Variants in AFF4 observed in about 807,000 individuals in gnomAD.
AFF4 encodes AF4/FMR2 family member 4.
In AFF4, 13 loss-of-function variants were observed where a neutral mutation model predicts 124.8. The ratio of observed to expected loss-of-function variants is 0.10; its 90% CI spans 0.07 to 0.17. The LOEUF is 0.17. Among genes scored for constraint, AFF4 ranks in the 10% least tolerant of loss-of-function variants. The pLI is 1.00. For missense variants in AFF4, 1,092 were observed against 1,403.8 expected, an observed-to-expected ratio of 0.78 and a Z score of 3.55; for synonymous variants, 477 against 496.1, an observed-to-expected ratio of 0.96 and a Z score of 0.51.
chr5:132,888,859 A>T (rs937500717), intron 14 of AFF4, among the ~76,000 whole-genome samples: 2 of 152,040 alleles, frequency 1.3e-5, no homozygotes, highest in African/African-American at 4.8e-5. Context: ...CACCACGCCC[A>T]GCTAATTTTT....
At chr5:132,926,229 C>A (rs756348950) in intron 5 of AFF4, 2 of 484,500 alleles carry the variant, frequency 4.1e-6, no homozygotes, top group Admixed American at 2.1e-5. Context: ...AGGAAAGGAG[C>A]TCTGTTGGGA....
chr5:132,947,029 G>A (rs757769722), intron 1 of AFF4, among the ~76,000 whole-genome samples: 7 of 152,042 alleles, frequency 4.6e-5, no homozygotes, highest in South Asian at 2.1e-4. Context: ...TGCACTTTGT[G>A]GCAACTGAGT....
intron 2 of AFF4, among the ~76,000 whole-genome samples, chr5:132,936,545 A>C (rs1181034274): frequency 6.6e-6 from 1 of 152,200 alleles, no homozygotes. Flanking sequence ...GAAGAAACAA[A>C]AGCATCTATG....
At chr5:132,890,164 T>C (rs1452195797) in intron 13 of AFF4, among the ~76,000 whole-genome samples, 1 of 151,190 alleles carries the variant, frequency 6.6e-6, no homozygotes, top group African/African-American at 2.4e-5. Context: ...AAATTTTTTA[T>C]ATTTATATAA....
chr5:132,901,340 T>C (rs532416134), intron 7 of AFF4, among the ~76,000 whole-genome samples: 5 of 152,312 alleles, frequency 3.3e-5, no homozygotes, highest in Admixed American at 2.6e-4. Flanking sequence ...GTATGATGAA[T>C]AGGAGTATAA....
Position 132,938,961 on chromosome 5 carries a change from A to AG in AFF4, c.-4-1769_-4-1768insC, listed in dbSNP as rs1463008267. 3.4e-5 allele frequency among the ~76,000 whole-genome samples: 5 copies of AG among 148,626 alleles called. No homozygotes were observed. The East Asian group carries it at 8.0e-4, about 24-fold the overall frequency. On this transcript the variant is annotated intron_variant, in intron 1 of 20. Coordinates refer to ENST00000265343, the MANE Select transcript of AFF4 (RefSeq NM_014423.4). ...CATCTCAAAAAAAAAAAAAAAAAAAAAAGGCAATTTAATGTTTAGAAAAAA... is the reference window on the plus strand; with the variant it reads ...CATCTCAAAAAAAAAAAAAAAAAAAAGAAGGCAATTTAATGTTTAGAAAAAA...
At chr5:132,922,778 C>CAAAAA (rs554387527) in intron 5 of AFF4, among the ~76,000 whole-genome samples, 1 of 56,762 alleles carries the variant, frequency 1.8e-5, no homozygotes, top group Non-Finnish European at 3.7e-5. Flanking sequence ...GACTCCATCT[C>CAAAAA]AAAAAAAAAA....
At chr5:132,885,248 ACGTG>A in intron 18 of AFF4, 129 bp from the exon 19 acceptor site, 1 of 431,132 alleles carries the variant, frequency 2.3e-6, no homozygotes, top group African/African-American at 6.5e-5. Context: ...ACACCAAAAT[ACGTG>A]TGTGTGTGTG....
intron 8 of AFF4, 127 bp from the exon 9 acceptor site, chr5:132,899,268 C>T (rs1477310857): frequency 2.3e-6 from 2 of 858,734 alleles, no homozygotes; most frequent in Non-Finnish European, 1.8e-6. Context: ...ATATTTAGCA[C>T]TTATACTGTT....
intron 11 of AFF4, among the ~76,000 whole-genome samples, chr5:132,893,515 TTTAG>T (rs1398730768): frequency 1.3e-5 from 2 of 152,120 alleles, no homozygotes; most frequent in African/African-American, 4.8e-5. Flanking sequence ...ATTTTATTTA[TTTAG>T]TTATTTATTT....
At chr5:132,961,129 G>T (rs908734897) in intron 1 of AFF4, among the ~76,000 whole-genome samples, 1 of 152,124 alleles carries the variant, frequency 6.6e-6, no homozygotes, top group African/African-American at 2.4e-5. Flanking sequence ...GGAGGCTGAG[G>T]CAGGAGAATC....
At chr5:132,886,644 C>A (rs1226230305) in intron 17 of AFF4, among the ~76,000 whole-genome samples, 1 of 152,226 alleles carries the variant, frequency 6.6e-6, no homozygotes, top group African/African-American at 2.4e-5. Flanking sequence ...AAATCCAAAC[C>A]TTATCCATAG....
In AFF4 at chr5:132,931,548, G is replaced by A. The variant is rs191153723; in HGVS notation, c.963+630C>T. Among the ~76,000 whole-genome samples, 120 of 152,348 alleles carry A rather than the reference G, an allele frequency of 7.9e-4. 1 individual carries two copies. The highest frequency in any genetic ancestry group is 2.8e-3 in the African/African-American group (116 of 41,586). On this transcript the variant is annotated intron_variant, in intron 4 of 20. Coordinates refer to ENST00000265343, the MANE Select transcript of AFF4 (RefSeq NM_014423.4). ...TAATGGTTTGACTGATAACTACTGA[G>A]TTTTTTGCACTTCAAATTATTAACA... is the stretch of plus-strand genomic sequence containing the variant.
intron 5 of AFF4, 41 bp downstream of exon 5, chr5:132,927,080 G>A (rs201569254): frequency 8.4e-6 from 13 of 1,548,348 alleles, no homozygotes; most frequent in Non-Finnish European, 1.1e-5. Context: ...AAGCCATTTA[G>A]AGTTTTCTTA....
rs1052178213 is a variant in AFF4, at chr5:132,899,703, TA to T, written c.1134-63del. On this transcript the variant is annotated intron_variant, in intron 7 of 20. Transcript: ENST00000265343. ...CAGTTTACATGGTATGCCAGAGTACTAAATATCTACTAAAAATTCTAGAAAT... is the reference window on the plus strand; with the variant it reads ...CAGTTTACATGGTATGCCAGAGTACTAATATCTACTAAAAATTCTAGAAAT... The T allele has an allele frequency of 2.1e-6, 3 of 1,406,622 alleles. No individual in the cohort carries two copies. In the African/African-American group the frequency reaches 4.3e-5, roughly 20 times the overall value. The allele number at this position is 1,406,622 out of a possible 1,614,324, so 87.1% of individuals were successfully genotyped here.
chr5:132,915,573 T>C (rs1355592125), intron 5 of AFF4, among the ~76,000 whole-genome samples: 1 of 145,100 alleles, frequency 6.9e-6, no homozygotes, highest in Admixed American at 6.9e-5. Context: ...TTTGGGTTTT[T>C]TTTTTTTTTT....
chr5:132,893,185 C>T (rs1760306404), intron 11 of AFF4, 67 bp from the exon 12 acceptor site: 1 of 1,286,224 alleles, frequency 7.8e-7, no homozygotes, highest in South Asian at 1.2e-5. Context: ...GCACTAGCTA[C>T]CCACAAAGAG....
chr5:132,917,668 A>AATTATACAT (rs1760941681), intron 5 of AFF4, among the ~76,000 whole-genome samples: 1 of 151,664 alleles, frequency 6.6e-6, no homozygotes, highest in Non-Finnish European at 1.5e-5. Context: ...TGAAACATAA[A>AATTATACAT]ATTATACATG....
intron 1 of AFF4, among the ~76,000 whole-genome samples, chr5:132,950,300 A>G (rs1581334954): frequency 1.3e-5 from 2 of 151,524 alleles, no homozygotes; most frequent in African/African-American, 4.9e-5. Context: ...ACATGGAGAA[A>G]CCCCGTCTCT....
Sources: gnomAD v4.1 joint callset for allele counts (sites outside exome capture counted in the v4.1 genomes callset) on GRCh38, gnomAD v4.1.1 for gene constraint, MANE v1.5 for transcripts, NCBI Gene and HGNC (gene_info 2026-07-23, HGNC 2026-07-21) for gene names.